The following AUH variants were observed in gnomAD, a reference collection of about 807,000 sequenced individuals.
AUH encodes the protein methylglutaconyl-CoA hydratase, mitochondrial.
AUH carries 29 observed loss-of-function variants against 42.3 expected under a neutral mutation model. The ratio of observed to expected loss-of-function variants is 0.69; its 90% CI spans 0.51 to 0.93. The LOEUF is 0.93. Among genes scored for constraint, AUH ranks in the 40% least tolerant of loss-of-function variants. The pLI, the probability that AUH is intolerant of heterozygous loss-of-function variation, is 0.00. For synonymous variants in AUH, 174 were observed against 166.4 expected (o/e 1.05, Z -0.35); for missense variants, 452 against 438.1 (o/e 1.03, Z -0.28).
chr9:91,237,285 C>G (rs191432924), intron 6 of AUH, among the ~76,000 whole-genome samples: 337 of 152,286 alleles, frequency 2.2e-3, no homozygotes, highest in Non-Finnish European at 4.0e-3. Flanking sequence ...CCTGGTGATG[C>G]GGTAAAGCTG....
chr9:91,237,675 C>T (rs1828269097), intron 6 of AUH, among the ~76,000 whole-genome samples: 1 of 150,542 alleles, frequency 6.6e-6, no homozygotes, highest in Non-Finnish European at 1.5e-5. Flanking sequence ...CTCAAACTAC[C>T]CCATCTTTGA....
At chr9:91,275,869 C>T (rs1275798154) in intron 6 of AUH, among the ~76,000 whole-genome samples, 2 of 152,156 alleles carry the variant, frequency 1.3e-5, no homozygotes, top group Non-Finnish European at 2.9e-5. Flanking sequence ...GACAGCACAT[C>T]TGAACATCAA....
At chr9:91,325,964 T>C (rs1198347812) in intron 3 of AUH, among the ~76,000 whole-genome samples, 1 of 152,160 alleles carries the variant, frequency 6.6e-6, no homozygotes, top group Non-Finnish European at 1.5e-5. Flanking sequence ...GGGAGAAGCA[T>C]AGATTTAAAG....
Position 91,356,130 on chromosome 9 carries a change from TC to T in AUH, c.287del (p.Arg96LysfsTer13). ...TACTGAGTGAATTTTTGCCATAAGC[TC>T]TGTTTATTCCAAGCACCACAATTCC... ...NRGIVVLGIN[R>X]AYGKNSLSKN... On this transcript the variant is annotated frameshift_variant, in exon 2 of 10. Coordinates refer to ENST00000375731, the MANE Select transcript of AUH (RefSeq NM_001698.3). LOFTEE classifies it high-confidence loss of function. 1.2e-6 allele frequency: 2 copies of T among 1,613,668 alleles called. No individual in the cohort carries two copies. The highest frequency in any genetic ancestry group is 3.3e-4 in the Middle Eastern group (2 of 6,052).
chr9:91,321,679 C>CTGTTTTA (rs1829585428), intron 4 of AUH, among the ~76,000 whole-genome samples: 1 of 152,130 alleles, frequency 6.6e-6, no homozygotes, highest in Admixed American at 6.5e-5. Flanking sequence ...GACCCACTGC[C>CTGTTTTA]TGTTTTAGTA....
chr9:91,219,124 C>T (rs1330019658), intron 7 of AUH, among the ~76,000 whole-genome samples: 1 of 152,182 alleles, frequency 6.6e-6, no homozygotes, highest in Non-Finnish European at 1.5e-5. Flanking sequence ...GAGGACAGTG[C>T]TCACGTTCTC....
intron 6 of AUH, among the ~76,000 whole-genome samples, chr9:91,257,777 C>A (rs1294482980): frequency 6.6e-6 from 1 of 152,222 alleles, no homozygotes; most frequent in Admixed American, 6.5e-5. Context: ...TTTAGAACCA[C>A]CTTGCCATTG....
At position 91,243,116 on chromosome 9, in the gene AUH, G is replaced by A. The variant is rs112158532; in HGVS notation, c.656-22124C>T. 1.7e-3 allele frequency among the ~76,000 whole-genome samples: 255 copies of A among 152,240 alleles called. 1 individual carries two copies. Among genetic ancestry groups the A allele is most frequent in the Admixed American group, 3.4e-3 (52 of 15,294 alleles). Reference sequence around the variant, plus strand: ...TCATTTGACAAATCTGAAAACTGAAGGCTCAGAGCAGTAAGGTGGCCACCA... The same window carrying A: ...TCATTTGACAAATCTGAAAACTGAAAGCTCAGAGCAGTAAGGTGGCCACCA... On this transcript the variant is annotated intron_variant, in intron 6 of 9. Coordinates refer to ENST00000375731, the MANE Select transcript of AUH (RefSeq NM_001698.3).
intron 6 of AUH, among the ~76,000 whole-genome samples, chr9:91,231,207 A>C (rs1365016923): frequency 3.9e-5 from 6 of 151,982 alleles, no homozygotes; most frequent in African/African-American, 1.4e-4. Flanking sequence ...GCGAGACTCC[A>C]TGGGGTAGGA....
Position 91,325,408 on chromosome 9 carries a change from C to A in AUH, c.419-4G>T, listed in dbSNP as rs756608769. 2 of 1,612,876 alleles carry A rather than the reference C, an allele frequency of 1.2e-6. No homozygotes were observed. On this transcript the variant is annotated splice_polypyrimidine_tract_variant and splice_region_variant and intron_variant, in intron 3 of 9. Transcript: ENST00000375731. ...GCTCTTTCCTTAAGGTCAGCACCTG[C>A]AAAGTATTTTATTTACAAATATAAT...
intron 6 of AUH, among the ~76,000 whole-genome samples, chr9:91,286,396 G>A (rs1403904257): frequency 6.6e-6 from 1 of 152,050 alleles, no homozygotes; most frequent in East Asian, 1.9e-4. Context: ...TGAAACCTCT[G>A]TGCTCTAATT....
Position 91,261,322 on chromosome 9 carries a change from C to T in AUH, c.655+34699G>A, listed in dbSNP as rs116667499. 9.5e-3 allele frequency among the ~76,000 whole-genome samples: 1,444 copies of T among 152,248 alleles called. 26 individuals carry two copies. Among genetic ancestry groups the T allele is most frequent in the African/African-American group, 0.033 (1,375 of 41,542 alleles). On this transcript the variant is annotated intron_variant, in intron 6 of 9. Transcript: ENST00000375731. ...GTTTCTAAGCTTTGTTAAGACAGGC[C>T]TAGAGAATTCTTTATTTTAAGGATA...
chr9:91,268,285 T>C (rs1032744898), intron 6 of AUH, among the ~76,000 whole-genome samples: 2 of 152,224 alleles, frequency 1.3e-5, no homozygotes, highest in Non-Finnish European at 2.9e-5. Context: ...GTAACATTTC[T>C]ATAATGAGAA....
chr9:91,237,336 A>T (rs1006867872), intron 6 of AUH, among the ~76,000 whole-genome samples: 23 of 152,184 alleles, frequency 1.5e-4, no homozygotes, highest in African/African-American at 2.4e-4. Context: ...ACTCAAATGA[A>T]TTTCTTTCGT....
At chr9:91,288,048 A>G (rs574176174) in intron 6 of AUH, among the ~76,000 whole-genome samples, 1 of 152,176 alleles carries the variant, frequency 6.6e-6, no homozygotes, top group South Asian at 2.1e-4. Flanking sequence ...GCCTCCCCCC[A>G]GAAGCTGGGG....
At chr9:91,231,522 G>T (rs1827882478) in intron 6 of AUH, among the ~76,000 whole-genome samples, 1 of 152,222 alleles carries the variant, frequency 6.6e-6, no homozygotes, top group East Asian at 1.9e-4. Flanking sequence ...CTTCTGCGTA[G>T]CTCAGGCTGG....
At chr9:91,342,252 C>G (rs571328987) in intron 3 of AUH, among the ~76,000 whole-genome samples, 1 of 152,326 alleles carries the variant, frequency 6.6e-6, no homozygotes, top group South Asian at 2.1e-4. Flanking sequence ...CCTTGCTTCT[C>G]TCCAACTTCT....
chr9:91,346,162 G>A (rs1195741339), intron 3 of AUH, among the ~76,000 whole-genome samples: 1 of 151,920 alleles, frequency 6.6e-6, no homozygotes. Context: ...ACTCTTAGAG[G>A]GCCCCTAGAT....
intron 3 of AUH, among the ~76,000 whole-genome samples, chr9:91,345,348 T>C (rs1348761767): frequency 6.6e-6 from 1 of 152,100 alleles, no homozygotes; most frequent in Non-Finnish European, 1.5e-5. Context: ...TTTAACAAGG[T>C]TGCAGGATAC....
Sources: gnomAD v4.1 joint callset for allele counts (sites outside exome capture counted in the v4.1 genomes callset) on GRCh38, gnomAD v4.1.1 for gene constraint, MANE v1.5 for transcripts, NCBI Gene and HGNC (gene_info 2026-07-23, HGNC 2026-07-21) for gene names.